Variants in PRSS41 observed in about 807,000 individuals in gnomAD.
PRSS41 encodes protease, serine 41.
Under a neutral mutation model 28.8 loss-of-function variants are expected in PRSS41, and 37 were observed. The ratio of observed to expected loss-of-function variants is 1.29; its 90% CI spans 0.99 to 1.69. The LOEUF (loss-of-function observed/expected upper bound fraction) is 1.69, where lower values mean the gene tolerates loss of function less well. Ranked by LOEUF, PRSS41 falls within the 40% of genes most tolerant of loss-of-function variation. The pLI is 0.00. For synonymous variants in PRSS41, 195 were observed against 163.1 expected (o/e 1.20, Z -1.49); for missense variants, 431 against 400.7 (o/e 1.08, Z -0.65).
chr16:2,802,602 G>A (rs1157382236), intron 4 of PRSS41, among the ~76,000 whole-genome samples: 4 of 152,242 alleles, frequency 2.6e-5, no homozygotes, highest in African/African-American at 7.2e-5. Flanking sequence ...ATTGAGCACT[G>A]AGTGAACCAG....
chr16:2,805,032 G>A (rs767980878), exon 6 of PRSS41: 1 of 1,560,944 alleles, frequency 6.4e-7, no homozygotes, highest in Non-Finnish European at 8.7e-7. Flanking sequence ...ACCAACATCA[G>A]TGTGTACTTC....
At chr16:2,801,277 G>T (rs968733019) in intron 4 of PRSS41, among the ~76,000 whole-genome samples, 1 of 151,764 alleles carries the variant, frequency 6.6e-6, no homozygotes, top group Non-Finnish European at 1.5e-5. Context: ...TTTATGATTG[G>T]TATATTTTCT....
chr16:2,802,909 T>C (rs904614892), intron 4 of PRSS41, among the ~76,000 whole-genome samples: 31 of 152,204 alleles, frequency 2.0e-4, no homozygotes, highest in Non-Finnish European at 3.5e-4. Context: ...CTTGGACTCT[T>C]ATAACAAGTT....
In PRSS41 at chr16:2,804,900, A is replaced by G. The variant is rs373126054; in HGVS notation, c.700-14A>G. On this transcript the variant is annotated splice_polypyrimidine_tract_variant and intron_variant, in intron 5 of 5. Coordinates refer to ENST00000399677, the Ensembl canonical transcript of PRSS41. Reference sequence around the variant, plus strand: ...ACTCTGCCCCAGCCTGGGCTCACCCATGCTGCTCCCCAGGGTGACTCAGGT... The same window carrying G: ...ACTCTGCCCCAGCCTGGGCTCACCCGTGCTGCTCCCCAGGGTGACTCAGGT... 5.7e-5 allele frequency: 89 copies of G among 1,569,408 alleles called. No individual in the cohort carries two copies. The highest frequency in any genetic ancestry group is 9.4e-5 in the Admixed American group (5 of 53,472).
At position 2,805,031 on chromosome 16, in the gene PRSS41, A is replaced by G. The variant is rs746540699; in HGVS notation, c.817A>G (p.Ser273Gly). 110 of 1,561,308 alleles carry G rather than the reference A, an allele frequency of 7.0e-5. No homozygotes were observed. The Middle Eastern group carries it at 6.8e-3, about 97-fold the overall frequency. ...TCGGCCTGGTGTCTACACCAACATC[A>G]GTGTGTACTTCCACTGGATCCGGAG... The change falls in exon 6 of 6, where the codon AGT becomes GGT. Residue 273 changes from serine to glycine, a missense_variant. Physicochemically the swap from Ser to Gly is moderately conservative, Grantham distance 56. Transcript: ENST00000399677.
At chr16:2,802,013 G>A (rs887525836) in intron 4 of PRSS41, among the ~76,000 whole-genome samples, 23 of 140,790 alleles carry the variant, frequency 1.6e-4, no homozygotes, top group Non-Finnish European at 3.2e-4. Flanking sequence ...CTGGCCGGGC[G>A]TGGGGCTGAC....
In PRSS41 at chr16:2,799,579, G is replaced by T; in HGVS notation, c.541+10G>T. The T allele has an allele frequency of 6.4e-7, 1 of 1,550,556 alleles. No individual in the cohort carries two copies. On this transcript the variant is annotated intron_variant, in intron 4 of 5. Transcript: ENST00000399677. ...ATCAGCCCCAGTGGCAGTGAGGCTG[G>T]GGATAGACCGGGTGGGGTGATGGGG...
chr16:2,801,364 A>G (rs1234169183), intron 4 of PRSS41, among the ~76,000 whole-genome samples: 2 of 143,666 alleles, frequency 1.4e-5, no homozygotes, highest in Non-Finnish European at 3.0e-5. Flanking sequence ...TTTTTTATTG[A>G]TAATTCTTGG....
At chr16:2,805,010 C>G in exon 6 of PRSS41, 1 of 1,571,788 alleles carries the variant, frequency 6.4e-7, no homozygotes, top group Non-Finnish European at 8.6e-7. Context: ...ACCCAATCGG[C>G]CTGGTGTCTA....
rs149954002 is a variant in PRSS41, at chr16:2,800,708, C to G, written c.541+1139C>G. On this transcript the variant is annotated intron_variant, in intron 4 of 5. Transcript: ENST00000399677. ...TACACTACTGTAGACTTTATAAACA[C>G]TGTATACTGAGGCTACACTAAATTT... 5.3e-3 allele frequency among the ~76,000 whole-genome samples: 808 copies of G among 152,264 alleles called. 6 individuals carry two copies. The highest frequency in any genetic ancestry group is 0.018 in the African/African-American group (768 of 41,556).
chr16:2,802,288 G>A (rs896144887), intron 4 of PRSS41, among the ~76,000 whole-genome samples: 3 of 151,152 alleles, frequency 2.0e-5, no homozygotes, highest in Middle Eastern at 3.4e-3. Flanking sequence ...ACGATGGGCG[G>A]CCGGGCAGAG....
At chr16:2,804,435 C>T (rs2069007191) in exon 5 of PRSS41, 1 of 1,551,690 alleles carries the variant, frequency 6.4e-7, no homozygotes. Context: ...AGGTCACCAT[C>T]TTAAACAACA....
chr16:2,799,163 T>G (rs774840406), intron 3 of PRSS41, 39 bp downstream of exon 3: 1 of 1,505,774 alleles, frequency 6.6e-7, no homozygotes, highest in East Asian at 2.5e-5. Context: ...GACTTGCTAA[T>G]GGCCTCCAGG....
chr16:2,802,185 G>T (rs1265009852), intron 4 of PRSS41, among the ~76,000 whole-genome samples: 5 of 149,168 alleles, frequency 3.4e-5, no homozygotes, highest in African/African-American at 7.5e-5. Flanking sequence ...GGGCAGAGAC[G>T]CTCCTCACCT....
At chr16:2,802,566 C>T (rs539646835) in intron 4 of PRSS41, among the ~76,000 whole-genome samples, 40 of 152,322 alleles carry the variant, frequency 2.6e-4, no homozygotes, top group Middle Eastern at 3.4e-3. Context: ...GCCGAGATCA[C>T]GCCACTGCAC....
intron 4 of PRSS41, among the ~76,000 whole-genome samples, chr16:2,801,221 A>G (rs1384403497): frequency 2.0e-5 from 3 of 151,830 alleles, no homozygotes; most frequent in Non-Finnish European, 4.4e-5. Context: ...AATTCTGTCA[A>G]TTTTGCTTTA....
exon 6 of PRSS41, chr16:2,805,106 C>G: frequency 6.4e-7 from 1 of 1,551,532 alleles, no homozygotes; most frequent in Non-Finnish European, 8.7e-7. Context: ...GCTGTTGCTG[C>G]TCCTTGCCCT....
exon 4 of PRSS41, chr16:2,799,356 C>G (rs966690960): frequency 6.4e-7 from 1 of 1,551,812 alleles, no homozygotes; most frequent in African/African-American, 1.4e-5. Context: ...TTGGAACCTG[C>G]GGGCCTACAG....
At chr16:2,798,688 C>G in intron 2 of PRSS41, 26 bp downstream of exon 2, 6 of 1,444,598 alleles carry the variant, frequency 4.2e-6, no homozygotes, top group Non-Finnish European at 5.4e-6. Context: ...CGCGCGATGC[C>G]AGCCAGGGCG....
Sources: allele counts gnomAD v4.1 joint callset (sites outside exome capture counted in the v4.1 genomes callset), GRCh38; gene constraint gnomAD v4.1.1; transcripts MANE v1.5; gene names NCBI Gene and HGNC (gene_info 2026-07-23, HGNC 2026-07-21).